Variants in STXBP5L observed in about 807,000 individuals in gnomAD.
The protein encoded by STXBP5L is syntaxin-binding protein 5-like.
A neutral mutation model predicts 144.5 loss-of-function variants in STXBP5L; 65 were observed. The ratio of observed to expected loss-of-function variants is 0.45; its 90% CI spans 0.37 to 0.55. STXBP5L has a LOEUF of 0.55. Ranked by LOEUF, STXBP5L falls within the 20% of genes least tolerant of loss-of-function variation. The pLI, the probability that STXBP5L is intolerant of heterozygous loss-of-function variation, is 0.00. For synonymous variants in STXBP5L, 505 were observed against 469.6 expected, an observed-to-expected ratio of 1.08 and a Z score of -0.97; for missense variants, 1,298 against 1,405.5, an observed-to-expected ratio of 0.92 and a Z score of 1.22.
chr3:121,045,758 G>A (rs1947477604), intron 5 of STXBP5L, among the ~76,000 whole-genome samples: 1 of 152,074 alleles, frequency 6.6e-6, no homozygotes, highest in Non-Finnish European at 1.5e-5. Context: ...GGAGCTTTTG[G>A]GCTGAGATTA....
chr3:120,944,433 A>C (rs192720209), intron 2 of STXBP5L, among the ~76,000 whole-genome samples: 1 of 151,764 alleles, frequency 6.6e-6, no homozygotes, highest in Non-Finnish European at 1.5e-5. Flanking sequence ...AAGAGAAAAA[A>C]GTTAGATATA....
intron 19 of STXBP5L, among the ~76,000 whole-genome samples, chr3:121,285,601 T>C (rs1559935957): frequency 6.6e-6 from 1 of 152,094 alleles, no homozygotes; most frequent in Non-Finnish European, 1.5e-5. Flanking sequence ...TAATAAAATT[T>C]TGTAGTTGAA....
chr3:121,144,135 A>G (rs1264848276), intron 7 of STXBP5L, among the ~76,000 whole-genome samples: 1 of 111,488 alleles, frequency 9.0e-6, no homozygotes, highest in African/African-American at 3.6e-5. Flanking sequence ...ATACAACTCA[A>G]TAGTAAAAAA....
At chr3:121,283,416 A>G (rs1265422424) in intron 19 of STXBP5L, among the ~76,000 whole-genome samples, 2 of 152,030 alleles carry the variant, frequency 1.3e-5, no homozygotes, top group African/African-American at 4.8e-5. Flanking sequence ...ACCCCCTTTT[A>G]GGAATCCTTC....
chr3:121,093,659 C>G (rs955490897), intron 5 of STXBP5L, among the ~76,000 whole-genome samples: 1 of 152,074 alleles, frequency 6.6e-6, no homozygotes, highest in Non-Finnish European at 1.5e-5. Flanking sequence ...TGATTCTTCT[C>G]TCTTTTTTTC....
At chr3:120,996,444 C>A (rs1433502950) in intron 3 of STXBP5L, among the ~76,000 whole-genome samples, 1 of 152,078 alleles carries the variant, frequency 6.6e-6, no homozygotes, top group East Asian at 1.9e-4. Flanking sequence ...CATATACTCA[C>A]ATAGTTACCA....
At chr3:120,960,974 T>C (rs552791583) in intron 3 of STXBP5L, among the ~76,000 whole-genome samples, 2 of 152,330 alleles carry the variant, frequency 1.3e-5, no homozygotes, top group Admixed American at 1.3e-4. Flanking sequence ...GAAAGATTTT[T>C]TTTAAATTAC....
intron 9 of STXBP5L, among the ~76,000 whole-genome samples, chr3:121,164,651 C>T (rs1435117848): frequency 6.6e-6 from 1 of 152,146 alleles, no homozygotes; most frequent in Non-Finnish European, 1.5e-5. Flanking sequence ...TGTCTGTTGA[C>T]TGATGCATGG....
intron 3 of STXBP5L, among the ~76,000 whole-genome samples, chr3:121,028,883 C>T (rs1174850325): frequency 6.6e-6 from 1 of 151,914 alleles, no homozygotes; most frequent in East Asian, 1.9e-4. Context: ...ACAATAGAAA[C>T]TAGTTGGCTG....
chr3:121,418,683 ATCTCT>A, intron 26 of STXBP5L, 126 bp downstream of exon 26: 1 of 934,306 alleles, frequency 1.1e-6, no homozygotes. Flanking sequence ...GGTAACCTAG[ATCTCT>A]TCTAAGTATT....
intron 5 of STXBP5L, among the ~76,000 whole-genome samples, chr3:121,109,121 T>C (rs1375079885): frequency 6.6e-6 from 1 of 152,188 alleles, no homozygotes; most frequent in Non-Finnish European, 1.5e-5. Context: ...ATTGTATCAA[T>C]TTGATTCTTC....
At chr3:121,294,212 G>A (rs1286758986) in intron 19 of STXBP5L, among the ~76,000 whole-genome samples, 1 of 152,190 alleles carries the variant, frequency 6.6e-6, no homozygotes, top group Non-Finnish European at 1.5e-5. Context: ...GCTTGACTAG[G>A]GTGATAGCAA....
At chr3:121,345,015 AT>A (rs2044897879) in intron 20 of STXBP5L, among the ~76,000 whole-genome samples, 1 of 151,552 alleles carries the variant, frequency 6.6e-6, no homozygotes, top group African/African-American at 2.4e-5. Context: ...CAGAAAGCAT[AT>A]TTTTTAATTA....
At chr3:121,340,595 C>T (rs1026481219) in intron 20 of STXBP5L, among the ~76,000 whole-genome samples, 4 of 151,846 alleles carry the variant, frequency 2.6e-5, no homozygotes, top group East Asian at 3.9e-4. Context: ...GGTGTTCTGC[C>T]CTTGTGATAG....
Position 121,381,431 on chromosome 3 carries a change from T to A in STXBP5L, c.2486T>A (p.Leu829Gln). 2 of 1,607,126 alleles carry A rather than the reference T, an allele frequency of 1.2e-6. No homozygotes were observed. The highest frequency in any genetic ancestry group is 1.7e-6 in the Non-Finnish European group (2 of 1,177,922). The stretch of plus-strand genomic sequence containing the variant: ...AATGACTCTACCATCTCTCCTTGTC[T>A]GTTCGTTGGAACCAGTCTGGGAATG... ...RKNDSTISPC[L>Q]FVGTSLGMVL... The change falls in exon 22 of 27, where the codon CTG becomes CAG. Residue 829 changes from leucine to glutamine, a missense_variant. Transcript: ENST00000471454.
At chr3:121,102,640 G>A (rs1046787336) in intron 5 of STXBP5L, among the ~76,000 whole-genome samples, 8 of 152,036 alleles carry the variant, frequency 5.3e-5, no homozygotes, top group South Asian at 2.1e-4. Flanking sequence ...CATTGGCCTT[G>A]GGAAAGAATT....
In STXBP5L at chr3:121,239,007, T is replaced by C. The variant is rs757624130; in HGVS notation, c.1221T>C (p.Ile407=). Reference sequence around the variant, plus strand: ...TTGAAAATCCATATCCCATGGACATTCATGAATCACCAGTTACATGCACAG... The same window carrying C: ...TTGAAAATCCATATCCCATGGACATCCATGAATCACCAGTTACATGCACAG... ...PIFENPYPMD[I]HESPVTCTAY... is the part of the protein sequence containing the mutation. The change falls in exon 13 of 27, where the codon ATT becomes ATC. Residue 407 remains isoleucine (I), a synonymous_variant. Coordinates refer to ENST00000471454, the MANE Select transcript of STXBP5L (RefSeq NM_001308330.2). The C allele has an allele frequency of 6.2e-7, 1 of 1,608,530 alleles. No individual in the cohort carries two copies. The highest frequency in any genetic ancestry group is 1.1e-5 in the South Asian group (1 of 90,226).
chr3:121,072,529 C>T (rs2041850883), intron 5 of STXBP5L, among the ~76,000 whole-genome samples: 1 of 152,244 alleles, frequency 6.6e-6, no homozygotes, highest in Non-Finnish European at 1.5e-5. Flanking sequence ...GATGGCAAGC[C>T]TCCCATCTGA....
intron 22 of STXBP5L, among the ~76,000 whole-genome samples, chr3:121,397,966 T>G (rs2046774224): frequency 6.6e-6 from 1 of 152,222 alleles, no homozygotes; most frequent in Non-Finnish European, 1.5e-5. Context: ...TTAAATTTCT[T>G]TCCCTGAATA....
Sources: allele counts gnomAD v4.1 joint callset (sites outside exome capture counted in the v4.1 genomes callset), GRCh38; gene constraint gnomAD v4.1.1; transcripts MANE v1.5; gene names NCBI Gene and HGNC (gene_info 2026-07-23, HGNC 2026-07-21).